The following PHACTR1 variants were observed in gnomAD, a reference collection of about 807,000 sequenced individuals.
PHACTR1 encodes the protein RPEL repeat containing 1.
In PHACTR1, 16 loss-of-function variants were observed where a neutral mutation model predicts 69.2. The ratio of observed to expected loss-of-function variants is 0.23; its 90% CI spans 0.16 to 0.35. The LOEUF (loss-of-function observed/expected upper bound fraction) is 0.35. Ranked by LOEUF, PHACTR1 falls within the 10% of genes least tolerant of loss-of-function variation. The pLI, the probability that PHACTR1 is intolerant of heterozygous loss-of-function variation, is 1.00. For synonymous variants in PHACTR1, 312 were observed against 284.5 expected, an observed-to-expected ratio of 1.10 and a Z score of -0.97; for missense variants, 510 against 734.7, an observed-to-expected ratio of 0.69 and a Z score of 3.54.
At chr6:13,116,077 A>T (rs1014062529) in intron 5 of PHACTR1, among the ~76,000 whole-genome samples, 1 of 152,182 alleles carries the variant, frequency 6.6e-6, no homozygotes, top group African/African-American at 2.4e-5. Context: ...TCCCAAAATT[A>T]TACTGGAACT....
In PHACTR1 at chr6:12,957,555, G is replaced by A. The variant is rs1043591053; in HGVS notation, c.251-95810G>A. ...TGGGGCTCTGTGAAGGTAAGAGGCA[G>A]TCTGTGCCCCACCGGCTGGAGGCTG... is the stretch of plus-strand genomic sequence containing the variant. On this transcript the variant is annotated intron_variant, in intron 4 of 14. Coordinates refer to ENST00000332995, the MANE Select transcript of PHACTR1 (RefSeq NM_030948.6). 9.1e-6 allele frequency: 9 copies of A among 985,466 alleles called. No individual in the cohort carries two copies. In the African/African-American group the frequency reaches 1.6e-4, roughly 17 times the overall value. 61.0% of individuals were successfully genotyped at this position (985,466 alleles called of 1,614,324 possible).
rs561504958 is a variant in PHACTR1 at position 12,748,343 on chromosome 6, G to A, written c.104-1301G>A. On this transcript the variant is annotated intron_variant, in intron 3 of 14. Transcript: ENST00000332995. ...AGAACTGACCGCTGAAGTGGAGAGG[G>A]GGGGCTTGCACAGTCAGATCAGCAC... is the stretch of plus-strand genomic sequence containing the variant. Among the ~76,000 whole-genome samples the A allele has an allele frequency of 5.3e-5, 8 of 152,142 alleles. No individual in the cohort carries two copies. In the South Asian group the frequency reaches 6.2e-4, roughly 12 times the overall value.
intron 5 of PHACTR1, among the ~76,000 whole-genome samples, chr6:13,056,155 C>T (rs539250141): frequency 3.9e-5 from 6 of 152,280 alleles, no homozygotes; most frequent in South Asian, 2.1e-4. Context: ...CTCTTGCAAT[C>T]GCAACATTTT....
intron 6 of PHACTR1, among the ~76,000 whole-genome samples, chr6:13,161,508 G>T (rs941953499): frequency 2.0e-5 from 3 of 151,164 alleles, no homozygotes; most frequent in Non-Finnish European, 2.9e-5. Flanking sequence ...GTGTTATCTG[G>T]TGGGCCAGAT....
rs143550204 is a variant in PHACTR1 at position 12,819,594 on chromosome 6, T to C, written c.250+69804T>C. ...TTTTTTCTGCCATAAAATGGAAATATGAATTCTTGTCTATCCCAAGAAGTG... is the reference window on the plus strand; with the variant it reads ...TTTTTTCTGCCATAAAATGGAAATACGAATTCTTGTCTATCCCAAGAAGTG... On this transcript the variant is annotated intron_variant, in intron 4 of 14. Coordinates refer to ENST00000332995, the MANE Select transcript of PHACTR1 (RefSeq NM_030948.6). Among the ~76,000 whole-genome samples, 1,319 of 152,340 alleles carry C rather than the reference T, an allele frequency of 8.7e-3. 24 individuals are homozygous for C. The highest frequency in any genetic ancestry group is 0.03 in the African/African-American group (1,256 of 41,580).
At chr6:12,780,229 C>CAT (rs955209368) in intron 4 of PHACTR1, among the ~76,000 whole-genome samples, 18 of 146,536 alleles carry the variant, frequency 1.2e-4, no homozygotes, top group East Asian at 2.0e-4. Flanking sequence ...GTGGTGGAAA[C>CAT]ATATATATAT....
chr6:12,948,320 GA>G (rs1790901225), intron 4 of PHACTR1, among the ~76,000 whole-genome samples: 1 of 152,162 alleles, frequency 6.6e-6, no homozygotes, highest in South Asian at 2.1e-4. Context: ...TAGTTGGGTT[GA>G]AGGGAAAATG....
At chr6:13,124,790 C>T (rs1022125946) in intron 5 of PHACTR1, among the ~76,000 whole-genome samples, 4 of 152,144 alleles carry the variant, frequency 2.6e-5, no homozygotes, top group Non-Finnish European at 4.4e-5. Context: ...TGTGTGCTCA[C>T]GTGATGGAGA....
chr6:13,178,224 C>A (rs61041084), intron 6 of PHACTR1, among the ~76,000 whole-genome samples: 9,184 of 152,274 alleles, frequency 0.06, 443 homozygotes, highest in African/African-American at 0.14. Flanking sequence ...CTTCATCCTT[C>A]TGCTCTCTCC....
intron 4 of PHACTR1, chr6:12,957,913 T>C: frequency 1.0e-6 from 1 of 985,080 alleles, no homozygotes; most frequent in Non-Finnish European, 1.2e-6. Flanking sequence ...GCATGTGTAT[T>C]TTCAGAGCCC....
chr6:13,087,140 A>T (rs532930635), intron 5 of PHACTR1, among the ~76,000 whole-genome samples: 2 of 147,738 alleles, frequency 1.4e-5, no homozygotes, highest in Admixed American at 1.4e-4. Context: ...TGTTATATAT[A>T]TAACATATAT....
chr6:12,780,317 G>A (rs1297536597), intron 4 of PHACTR1, among the ~76,000 whole-genome samples: 1 of 151,804 alleles, frequency 6.6e-6, no homozygotes, highest in Non-Finnish European at 1.5e-5. Flanking sequence ...CATTGTGTGT[G>A]CGTGTGCATG....
chr6:13,034,567 G>A (rs747486025), intron 4 of PHACTR1, among the ~76,000 whole-genome samples: 9 of 152,290 alleles, frequency 5.9e-5, no homozygotes, highest in East Asian at 1.9e-4. Context: ...ATGTGGCTGA[G>A]TTCTGCAGAT....
At chr6:13,206,498 G>T (rs1765944514) in intron 8 of PHACTR1, among the ~76,000 whole-genome samples, 1 of 152,040 alleles carries the variant, frequency 6.6e-6, no homozygotes, top group Non-Finnish European at 1.5e-5. Context: ...ATATAAACAA[G>T]ACTTAAGTTC....
chr6:13,271,011 T>C (rs1441821632), intron 10 of PHACTR1, among the ~76,000 whole-genome samples: 1 of 144,182 alleles, frequency 6.9e-6, no homozygotes, highest in African/African-American at 2.5e-5. Flanking sequence ...TGCTTTTTTT[T>C]TTTCTTTTTT....
At chr6:12,997,133 C>G (rs1448478399) in intron 4 of PHACTR1, among the ~76,000 whole-genome samples, 1 of 151,776 alleles carries the variant, frequency 6.6e-6, no homozygotes, top group African/African-American at 2.4e-5. Flanking sequence ...CGCCATTGCA[C>G]TCTAGCCTGG....
At chr6:12,979,230 G>C (rs894464217) in intron 4 of PHACTR1, among the ~76,000 whole-genome samples, 1 of 152,138 alleles carries the variant, frequency 6.6e-6, no homozygotes, top group Non-Finnish European at 1.5e-5. Context: ...CTTTCTTTTT[G>C]CTGCTTGAAA....
rs111492505 is a variant in PHACTR1, at chr6:13,081,367, C to T, written c.415+27838C>T. On this transcript the variant is annotated intron_variant, in intron 5 of 14. Transcript: ENST00000332995. ...AACAACGAATTTAAGAGAAACAGGTCAAATTTTATGTTTTCAGTTGCATAT... is the reference window on the plus strand; with the variant it reads ...AACAACGAATTTAAGAGAAACAGGTTAAATTTTATGTTTTCAGTTGCATAT... Among the ~76,000 whole-genome samples the T allele has an allele frequency of 8.9e-3, 1,355 of 152,196 alleles. 13 individuals carry two copies. The highest frequency in any genetic ancestry group is 0.031 in the African/African-American group (1,288 of 41,526).
At chr6:13,008,578 T>C (rs1799086540) in intron 4 of PHACTR1, among the ~76,000 whole-genome samples, 1 of 152,174 alleles carries the variant, frequency 6.6e-6, no homozygotes, top group Non-Finnish European at 1.5e-5. Flanking sequence ...TTCCACTCCA[T>C]ACTTCCAGTC....
Sources: allele counts gnomAD v4.1 joint callset (sites outside exome capture counted in the v4.1 genomes callset), GRCh38; gene constraint gnomAD v4.1.1; transcripts MANE v1.5; gene names NCBI Gene and HGNC (gene_info 2026-07-23, HGNC 2026-07-21).